Variants in TTC3 observed in about 807,000 individuals in gnomAD.
TTC3 encodes tetratricopeptide repeat domain 3.
Under a neutral mutation model 249.6 loss-of-function variants are expected in TTC3, and 180 were observed. The observed-to-expected ratio is 0.72, with a 90% confidence interval of 0.64 to 0.82. The LOEUF (loss-of-function observed/expected upper bound fraction) is 0.82. TTC3 is among the 40% of genes least tolerant of loss of function. TTC3 has a pLI of 0.00. For synonymous variants in TTC3, 717 were observed against 805.0 expected (o/e 0.89, Z 1.85); for missense variants, 2,061 against 2,398.4 (o/e 0.86, Z 2.94).
chr21:37,185,977 C>T (rs2083226759), intron 37 of TTC3: 2 of 219,136 alleles, frequency 9.1e-6, no homozygotes, highest in East Asian at 1.0e-4. Context: ...TTTTATTTTA[C>T]AAGATTTCTG....
At chr21:37,165,716 T>G in exon 33 of TTC3, 1 of 1,613,702 alleles carries the variant, frequency 6.2e-7, no homozygotes, top group South Asian at 1.1e-5. Context: ...GATTGACAAC[T>G]GTATTGCACT....
intron 11 of TTC3, among the ~76,000 whole-genome samples, chr21:37,112,288 A>G (rs1461467469): frequency 1.3e-5 from 2 of 152,224 alleles, no homozygotes; most frequent in Non-Finnish European, 2.9e-5. Flanking sequence ...CAAAATTGAT[A>G]GACCGCTAGC....
At chr21:37,199,210 A>T (rs566972731) in intron 44 of TTC3, among the ~76,000 whole-genome samples, 2 of 152,304 alleles carry the variant, frequency 1.3e-5, no homozygotes, top group South Asian at 4.1e-4. Flanking sequence ...CACTCCCTGA[A>T]CTTGATCCCA....
At chr21:37,129,200 A>G in intron 16 of TTC3, 137 bp downstream of exon 16, 1 of 451,720 alleles carries the variant, frequency 2.2e-6, no homozygotes. Context: ...TTCAAATATC[A>G]AAAGCATATC....
intron 11 of TTC3, among the ~76,000 whole-genome samples, chr21:37,119,045 G>C (rs1025417914): frequency 1.3e-5 from 2 of 152,102 alleles, no homozygotes; most frequent in African/African-American, 4.8e-5. Context: ...GGTTTATTTT[G>C]CTGTTCATTA....
chr21:37,191,789 A>G (rs1451261082), intron 40 of TTC3, among the ~76,000 whole-genome samples: 1 of 152,132 alleles, frequency 6.6e-6, no homozygotes, highest in Non-Finnish European at 1.5e-5. Flanking sequence ...GGGTCTCTCC[A>G]TGTTGGTCAG....
chr21:37,201,637 A>G (rs2085517906), exon 46 of TTC3: 2 of 1,569,310 alleles, frequency 1.3e-6, no homozygotes, highest in Non-Finnish European at 8.6e-7. Flanking sequence ...ATTTTCTACC[A>G]CTGGTGTAAA....
chr21:37,156,347 A>G (rs1371164907), intron 27 of TTC3, among the ~76,000 whole-genome samples: 1 of 151,954 alleles, frequency 6.6e-6, no homozygotes, highest in African/African-American at 2.4e-5. Flanking sequence ...TCATTGTTAT[A>G]TTTTTAAAGG....
intron 35 of TTC3, 38 bp from the exon 36 acceptor site, chr21:37,182,736 T>TA (rs781303683): frequency 6.5e-7 from 1 of 1,528,446 alleles, no homozygotes; most frequent in Non-Finnish European, 8.8e-7. Context: ...AAAAAGTATA[T>TA]TTTGCCATTT....
rs1202668885 is a variant in TTC3 at position 37,128,947 on chromosome 21, C to G, written c.1298-56C>G. ...TATATTTTAAAAATAGTTTTACTCT[C>G]AGGCTTGTAGATTTTTATGTACAGA... On this transcript the variant is annotated intron_variant, in intron 15 of 45. Transcript: ENST00000355666. 7.5e-6 allele frequency: 10 copies of G among 1,326,298 alleles called. No homozygotes were observed. The East Asian group carries it at 1.8e-4, about 24-fold the overall frequency. 82.2% of individuals were successfully genotyped at this position (1,326,298 alleles called of 1,614,324 possible). A position where few individuals can be genotyped will look rare whatever the true frequency, so the allele number is the denominator to read the frequency against.
chr21:37,153,327 T>G (rs202023827), intron 27 of TTC3, 50 bp downstream of exon 27: 10 of 1,477,248 alleles, frequency 6.8e-6, no homozygotes, highest in Non-Finnish European at 9.1e-7. Flanking sequence ...GAAGGGGAAG[T>G]GTAGGTCTCT....
At chr21:37,123,844 G>C (rs1234579148) in intron 13 of TTC3, among the ~76,000 whole-genome samples, 2 of 151,850 alleles carry the variant, frequency 1.3e-5, no homozygotes, top group African/African-American at 4.8e-5. Flanking sequence ...TGCCTCCCGG[G>C]TTCAAGCGAT....
intron 29 of TTC3, among the ~76,000 whole-genome samples, chr21:37,160,088 T>A (rs1253111622): frequency 2.0e-5 from 3 of 152,206 alleles, no homozygotes; most frequent in African/African-American, 7.2e-5. Context: ...AATGTTCTGC[T>A]CTAGAAGGAA....
At position 37,183,560 on chromosome 21, in the gene TTC3, G is replaced by A. The variant is rs141473128; in HGVS notation, c.4757+647G>A. Among the ~76,000 whole-genome samples, 223 of 152,186 alleles carry A rather than the reference G, an allele frequency of 1.5e-3. 2 individuals are homozygous for A. Among genetic ancestry groups the A allele is most frequent in the African/African-American group, 4.9e-3 (204 of 41,500 alleles). The stretch of plus-strand genomic sequence containing the variant: ...TATTTGCTCATGGTCCTGCAATCTG[G>A]GCTGAGTTCAGCTGGGCCATTCTTC... On this transcript the variant is annotated intron_variant, in intron 36 of 45. Coordinates refer to ENST00000355666, the Ensembl canonical transcript of TTC3.
intron 42 of TTC3, among the ~76,000 whole-genome samples, chr21:37,196,591 A>G (rs1462443762): frequency 6.6e-6 from 1 of 152,206 alleles, no homozygotes; most frequent in African/African-American, 2.4e-5. Flanking sequence ...GCACTGGGTA[A>G]TATTCATCAG....
intron 1 of TTC3, among the ~76,000 whole-genome samples, chr21:37,074,929 A>C (rs1880868903): frequency 6.6e-6 from 1 of 152,088 alleles, no homozygotes. Flanking sequence ...GATTTTACAG[A>C]CGTGATTATT....
chr21:37,149,833 T>C (rs1244832408), intron 23 of TTC3, among the ~76,000 whole-genome samples: 1 of 152,238 alleles, frequency 6.6e-6, no homozygotes, highest in Admixed American at 6.5e-5. Flanking sequence ...CATGTGTATG[T>C]CATGTCTGGT....
chr21:37,182,837 C>T lies in TTC3; in HGVS notation c.4681C>T (p.Gln1561Ter). Residue 1561 changes from glutamine (Q) to a stop codon, truncating the protein, a stop_gained, in exon 36 of 46, where the codon CAG becomes TAG. Coordinates refer to ENST00000355666, the Ensembl canonical transcript of TTC3. LOFTEE classifies it high-confidence loss of function. ...GGAAAGAGAAATTAAAAAATGGCAA[C>T]AGGAAAAAAAAGAAATCCAAGAAAG... 6.3e-7 allele frequency: 1 copy of T among 1,589,712 alleles called. No homozygotes were observed. The highest frequency in any genetic ancestry group is 1.2e-5 in the South Asian group (1 of 85,828).
intron 10 of TTC3, chr21:37,096,864 G>A (rs966846550): frequency 4.4e-5 from 18 of 406,280 alleles, no homozygotes; most frequent in African/African-American, 3.7e-4. Flanking sequence ...ATTATTTTAA[G>A]TGCTTTGCAT....
Sources: gnomAD v4.1 joint callset for allele counts (sites outside exome capture counted in the v4.1 genomes callset) on GRCh38, gnomAD v4.1.1 for gene constraint, MANE v1.5 for transcripts, NCBI Gene and HGNC (gene_info 2026-07-23, HGNC 2026-07-21) for gene names.